Variants in DLG1 observed in about 807,000 individuals in gnomAD.
DLG1 encodes the protein disks large homolog 1.
In DLG1, 42 loss-of-function variants were observed where a neutral mutation model predicts 123.4. That is an observed-to-expected ratio of 0.34 (90% CI 0.27 to 0.44). The LOEUF is 0.44. Ranked by LOEUF, DLG1 falls within the 20% of genes least tolerant of loss-of-function variation. The pLI is 1.00. For synonymous variants in DLG1, 317 were observed against 356.2 expected (o/e 0.89, Z 1.24); for missense variants, 942 against 1,082.6 (o/e 0.87, Z 1.82).
chr3:197,277,632 G>T (rs565761862), intron 4 of DLG1, among the ~76,000 whole-genome samples: 2 of 151,834 alleles, frequency 1.3e-5, no homozygotes, highest in African/African-American at 4.8e-5. Context: ...TGAACCACCA[G>T]GCCTGGCCTC....
intron 19 of DLG1, among the ~76,000 whole-genome samples, chr3:197,068,271 A>G (rs1319637278): frequency 1.3e-5 from 2 of 152,330 alleles, no homozygotes; most frequent in East Asian, 3.9e-4. Flanking sequence ...ATGGTGAGAG[A>G]CAGTATATAC....
At chr3:197,223,940 C>T (rs937480548) in intron 4 of DLG1, among the ~76,000 whole-genome samples, 7 of 152,176 alleles carry the variant, frequency 4.6e-5, no homozygotes, top group Admixed American at 2.0e-4. Flanking sequence ...CTACACGTCT[C>T]TTGTCAGTAC....
At chr3:197,275,765 G>C (rs1000529260) in intron 4 of DLG1, among the ~76,000 whole-genome samples, 1 of 152,138 alleles carries the variant, frequency 6.6e-6, no homozygotes, top group African/African-American at 2.4e-5. Context: ...AGGGGAGGAA[G>C]ACAAGTTGGT....
rs199573308 is a variant in DLG1, at chr3:197,291,801, G to A, written c.151+4545C>T. Among the ~76,000 whole-genome samples, 4 of 152,130 alleles carry A rather than the reference G, an allele frequency of 2.6e-5. No individual in the cohort carries two copies. In the East Asian group the frequency reaches 7.7e-4, roughly 29 times the overall value. ...TAAAACAGTACAAACACCTCATACA[G>A]GTGAATGTACACCTCACAGGATTAC... On this transcript the variant is annotated intron_variant, in intron 3 of 24. Coordinates refer to ENST00000667157, the MANE Select transcript of DLG1 (RefSeq NM_001366207.1).
chr3:197,142,188 G>A (rs566395174), intron 7 of DLG1, among the ~76,000 whole-genome samples: 2 of 152,062 alleles, frequency 1.3e-5, no homozygotes, highest in Admixed American at 6.5e-5. Flanking sequence ...TACTTAATAC[G>A]AACAATACTT....
chr3:197,298,224 C>A, intron 1 of DLG1: 1 of 324,456 alleles, frequency 3.1e-6, no homozygotes, highest in East Asian at 4.7e-5. Context: ...CCGGGCTCCC[C>A]GCGCTGCTAC....
intron 4 of DLG1, among the ~76,000 whole-genome samples, chr3:197,235,126 A>T (rs1055690411): frequency 1.6e-4 from 24 of 152,136 alleles, no homozygotes; most frequent in Non-Finnish European, 2.4e-4. Context: ...TACCTGAGAG[A>T]AGGAAAACAA....
At chr3:197,117,619 T>G (rs1309711828) in intron 12 of DLG1, among the ~76,000 whole-genome samples, 1 of 152,046 alleles carries the variant, frequency 6.6e-6, no homozygotes, top group Non-Finnish European at 1.5e-5. Flanking sequence ...CTATCCAGAA[T>G]AGGCAAATTC....
At chr3:197,136,360 A>T (rs1785061568) in intron 10 of DLG1, 182 bp downstream of exon 10, 1 of 545,732 alleles carries the variant, frequency 1.8e-6, no homozygotes, top group South Asian at 2.6e-5. Flanking sequence ...GCTAGCAGAG[A>T]AAAGAGAAAT....
At chr3:197,110,369 T>G (rs148787207) in intron 13 of DLG1, among the ~76,000 whole-genome samples, 10 of 152,338 alleles carry the variant, frequency 6.6e-5, no homozygotes, top group Admixed American at 6.5e-4. Flanking sequence ...AACTCTTTAT[T>G]GATATTTTTT....
chr3:197,156,637 A>AG (rs1220718181), intron 5 of DLG1, among the ~76,000 whole-genome samples: 2 of 152,210 alleles, frequency 1.3e-5, no homozygotes, highest in African/African-American at 2.4e-5. Flanking sequence ...CAGTAACCAA[A>AG]GGAGAGCAGG....
At chr3:197,071,959 G>A (rs1002829590) in intron 18 of DLG1, among the ~76,000 whole-genome samples, 5 of 152,280 alleles carry the variant, frequency 3.3e-5, no homozygotes, top group African/African-American at 4.8e-5. Context: ...GCATATATAT[G>A]CTTACCACAA....
intron 5 of DLG1, among the ~76,000 whole-genome samples, chr3:197,177,131 A>AG (rs1427889400): frequency 6.6e-6 from 1 of 152,094 alleles, no homozygotes; most frequent in Non-Finnish European, 1.5e-5. Flanking sequence ...TTTGTGTCAA[A>AG]GGGGGAACAA....
intron 11 of DLG1, among the ~76,000 whole-genome samples, chr3:197,127,507 CCT>C: frequency 1.2e-5 from 1 of 81,178 alleles, no homozygotes; most frequent in Admixed American, 1.4e-4. Context: ...AAGTAAGAAA[CCT>C]AAAAATACGT....
intron 4 of DLG1, among the ~76,000 whole-genome samples, chr3:197,262,774 A>G (rs895065809): frequency 6.6e-6 from 1 of 152,216 alleles, no homozygotes; most frequent in Non-Finnish European, 1.5e-5. Flanking sequence ...GAAAAGCTTC[A>G]CCAAAAACCT....
chr3:197,108,672 T>TA (rs1768024285), intron 13 of DLG1, among the ~76,000 whole-genome samples: 1 of 152,216 alleles, frequency 6.6e-6, no homozygotes, highest in Non-Finnish European at 1.5e-5. Context: ...GTCATATTAG[T>TA]ACAGCCACAG....
intron 23 of DLG1, among the ~76,000 whole-genome samples, chr3:197,058,255 T>A (rs1733232096): frequency 6.6e-6 from 1 of 152,194 alleles, no homozygotes; most frequent in South Asian, 2.1e-4. Flanking sequence ...GTTGGGATTA[T>A]AGGGGCCGGC....
chr3:197,176,767 CTG>C (rs1807318627), intron 5 of DLG1, among the ~76,000 whole-genome samples: 1 of 152,076 alleles, frequency 6.6e-6, no homozygotes, highest in African/African-American at 2.4e-5. Context: ...ATAAACATCT[CTG>C]TACAGGTTTT....
intron 5 of DLG1, among the ~76,000 whole-genome samples, chr3:197,175,793 A>C (rs1806701929): frequency 6.6e-6 from 1 of 152,174 alleles, no homozygotes; most frequent in Admixed American, 6.5e-5. Flanking sequence ...ATGACTACTG[A>C]ATTAGAGTCG....
Sources: gnomAD v4.1 joint callset for allele counts (sites outside exome capture counted in the v4.1 genomes callset) on GRCh38, gnomAD v4.1.1 for gene constraint, MANE v1.5 for transcripts, NCBI Gene and HGNC (gene_info 2026-07-23, HGNC 2026-07-21) for gene names.